The following KCNG2 variants were observed in gnomAD, a reference collection of about 807,000 sequenced individuals.
KCNG2 encodes the protein voltage-gated potassium channel regulatory subunit KCNG2.
A neutral mutation model predicts 12.3 loss-of-function variants in KCNG2; 7 were observed. The observed-to-expected ratio is 0.57, with a 90% CI of 0.32 to 1.07. The LOEUF is 1.07. Ranked by LOEUF, KCNG2 falls within the 50% of genes least tolerant of loss-of-function variation. KCNG2 has a pLI of 0.04. For synonymous variants in KCNG2, 414 were observed against 351.4 expected (o/e 1.18, Z -1.99); for missense variants, 703 against 726.0 (o/e 0.97, Z 0.36).
At chr18:79,890,844 G>T (rs1336994983) in intron 3 of KCNG2, among the ~76,000 whole-genome samples, 1 of 152,108 alleles carries the variant, frequency 6.6e-6, no homozygotes, top group African/African-American at 2.4e-5. Context: ...CTACTGTGAC[G>T]GCGCACGATT....
Position 79,864,101 on chromosome 18 carries a change from G to C in KCNG2, c.434G>C (p.Ser145Thr), listed in dbSNP as rs966206412. 1 of 1,106,204 alleles carries C rather than the reference G, an allele frequency of 9.0e-7. No homozygotes were observed. The highest frequency in any genetic ancestry group is 1.7e-5 in the African/African-American group (1 of 58,520). The allele number at this position is 1,106,204 out of a possible 1,614,324, so 68.5% of individuals were successfully genotyped here. A position where few individuals can be genotyped will look rare whatever the true frequency, so the allele number is the denominator to read the frequency against. The change falls in exon 3 of 4, where the codon AGC (serine) becomes ACC (threonine). Residue 145 changes from serine to threonine, a missense_variant. By Grantham distance (58) the Ser-to-Thr change is moderately conservative. Transcript: ENST00000316249. Reference protein sequence around the residue: ...AGPTERGAQGSPARALGPRGR... With the variant: ...AGPTERGAQGTPARALGPRGR... Reference sequence around the variant, plus strand: ...CCGACGGAGCGCGGGGCGCAGGGGAGCCCGGCGCGCGCCCTGGGACCTCGG... The same window carrying C: ...CCGACGGAGCGCGGGGCGCAGGGGACCCCGGCGCGCGCCCTGGGACCTCGG...
At chr18:79,869,458 G>A (rs967774639) in intron 3 of KCNG2, among the ~76,000 whole-genome samples, 10 of 152,188 alleles carry the variant, frequency 6.6e-5, no homozygotes, top group Admixed American at 1.3e-4. Context: ...GGGAGCAGTT[G>A]TTGAGTCTGA....
intron 1 of KCNG2, among the ~76,000 whole-genome samples, chr18:79,828,469 G>A (rs970478700): frequency 6.6e-6 from 1 of 150,756 alleles, no homozygotes; most frequent in Non-Finnish European, 1.5e-5. Context: ...ATGTGTGTCT[G>A]TGTGTGCATG....
intron 2 of KCNG2, 66 bp from the exon 3 acceptor site, chr18:79,863,562 C>G: frequency 9.0e-7 from 1 of 1,111,262 alleles, no homozygotes; most frequent in Non-Finnish European, 1.1e-6. Context: ...CCCCTGGATC[C>G]CCGCGGGCGG....
chr18:79,814,894 G>A (rs2087517466), intron 1 of KCNG2, among the ~76,000 whole-genome samples: 1 of 146,858 alleles, frequency 6.8e-6, no homozygotes, highest in South Asian at 2.1e-4. Flanking sequence ...ATGGCCATGT[G>A]CTTTTACCCT....
intron 1 of KCNG2, among the ~76,000 whole-genome samples, chr18:79,829,419 C>T (rs1053284723): frequency 3.9e-5 from 6 of 152,160 alleles, no homozygotes; most frequent in Admixed American, 6.5e-5. Flanking sequence ...ATTCATGGCC[C>T]GTGTTTCTCA....
rs1555694281 is a variant in KCNG2 at position 79,863,691 on chromosome 18, G to GGC, written c.25_26insCG (p.Gly9AlafsTer57). 4 of 1,174,608 alleles carry GGC rather than the reference G, an allele frequency of 3.4e-6. No individual in the cohort carries two copies. Among genetic ancestry groups the GGC allele is most frequent in the South Asian group, 4.2e-5 (1 of 24,082 alleles). 72.8% of individuals were successfully genotyped at this position (1,174,608 alleles called of 1,614,324 possible). Reference sequence around the variant, plus strand: ...GCATGGAGCCATGGCCCTGCTCCCCGGGCGGCGGCGGCGGGACCCGCGCCC... The same window carrying GGC: ...GCATGGAGCCATGGCCCTGCTCCCCGGCGGCGGCGGCGGCGGGACCCGCGCCC... On this transcript the variant is annotated frameshift_variant, in exon 3 of 4. Transcript: ENST00000316249. LOFTEE classifies it high-confidence loss of function.
At chr18:79,892,868 G>C (rs1200588380) in intron 3 of KCNG2, among the ~76,000 whole-genome samples, 2 of 151,202 alleles carry the variant, frequency 1.3e-5, no homozygotes, top group Non-Finnish European at 2.9e-5. Flanking sequence ...TTTTGATTGG[G>C]TTCTTCACTC....
Position 79,803,349 on chromosome 18 carries a change from C to T in KCNG2, c.-115+5335C>T, listed in dbSNP as rs2087425695. On this transcript the variant is annotated intron_variant, in intron 1 of 3. Transcript: ENST00000316249. The surrounding 1 kb of genome is among the most constrained non-coding windows in gnomAD (Gnocchi z 4.5). ...TCTTCTTCCCGGAGGTTCACAGCCA[C>T]TTCAAGATGACAGTTTCTGACTGTG... Among the ~76,000 whole-genome samples the T allele has an allele frequency of 6.6e-6, 1 of 152,208 alleles. No homozygotes were observed. Among genetic ancestry groups the T allele is most frequent in the Admixed American group, 6.5e-5 (1 of 15,286 alleles).
intron 3 of KCNG2, among the ~76,000 whole-genome samples, chr18:79,894,827 G>T (rs867049499): frequency 2.1e-5 from 3 of 143,788 alleles, no homozygotes; most frequent in Non-Finnish European, 3.0e-5. Flanking sequence ...TTGATATAGT[G>T]GGGTCTGTGT....
chr18:79,862,342 C>T (rs768978851), intron 2 of KCNG2, among the ~76,000 whole-genome samples: 15 of 152,336 alleles, frequency 9.8e-5, no homozygotes, highest in Non-Finnish European at 1.6e-4. Context: ...GATGTGGCCA[C>T]TGATGTCTGT....
chr18:79,868,019 C>T (rs1979678983), intron 3 of KCNG2, among the ~76,000 whole-genome samples: 1 of 152,196 alleles, frequency 6.6e-6, no homozygotes, highest in Non-Finnish European at 1.5e-5. Flanking sequence ...GCTGCCTTCC[C>T]CCGTCGTCCC....
Position 79,884,546 on chromosome 18 carries a change from GTCT to G in KCNG2, c.625-14493_625-14491del, listed in dbSNP as rs1568270638. Among the ~76,000 whole-genome samples the G allele has an allele frequency of 6.7e-6, 1 of 148,492 alleles. No individual in the cohort carries two copies. Among genetic ancestry groups the G allele is most frequent in the Admixed American group, 6.8e-5 (1 of 14,732 alleles). ...CGATGCAGTGGAGGAGCAGGGCTGG[GTCT>G]GGGCCTGGGCCTGGGCGTGGCAGCT... On this transcript the variant is annotated intron_variant, in intron 3 of 3. Transcript: ENST00000316249. The surrounding 1 kb of genome is among the most constrained non-coding windows in gnomAD (Gnocchi z 5.5).
At chr18:79,862,402 G>A (rs959598725) in intron 2 of KCNG2, among the ~76,000 whole-genome samples, 4 of 152,160 alleles carry the variant, frequency 2.6e-5, no homozygotes, top group African/African-American at 9.7e-5. Flanking sequence ...ATTCTTAAAC[G>A]TCTGGAATGA....
intron 2 of KCNG2, among the ~76,000 whole-genome samples, chr18:79,857,682 G>T (rs1447650645): frequency 1.3e-5 from 2 of 151,880 alleles, no homozygotes; most frequent in Non-Finnish European, 2.9e-5. Flanking sequence ...GCGGTGGAAG[G>T]CAGCGGCTCT....
chr18:79,798,516 G>C (rs2087381850), intron 1 of KCNG2, among the ~76,000 whole-genome samples: 1 of 152,176 alleles, frequency 6.6e-6, no homozygotes, highest in Non-Finnish European at 1.5e-5. Context: ...GCGAATGCTC[G>C]GCGCGCTGCG....
At chr18:79,830,782 C>T (rs564122) in intron 1 of KCNG2, among the ~76,000 whole-genome samples, 64,368 of 101,042 alleles carry the variant, frequency 0.64, 17,211 homozygotes, top group South Asian at 0.75. Context: ...GGAGGGTTCC[C>T]TGCGGACAGA....
chr18:79,820,466 C>T (rs1182057495), intron 1 of KCNG2, among the ~76,000 whole-genome samples: 1 of 152,192 alleles, frequency 6.6e-6, no homozygotes, highest in African/African-American at 2.4e-5. Flanking sequence ...TCAGGATGGT[C>T]TGTCTTTCTT....
chr18:79,888,324 T>TGGGGCTGGGTCGGCCCTGAGGCTGCAGG (rs541427642), intron 3 of KCNG2, among the ~76,000 whole-genome samples: 1 of 151,926 alleles, frequency 6.6e-6, no homozygotes, highest in Non-Finnish European at 1.5e-5. Context: ...AGCCCACATC[T>TGGGGCTGGGTCGGCCCTGAGGCTGCAGG]GGGGCTGGGT....
Sources: allele counts gnomAD v4.1 joint callset (sites outside exome capture counted in the v4.1 genomes callset), GRCh38; gene constraint gnomAD v4.1.1; non-coding constraint Gnocchi (gnomAD v3.1); transcripts MANE v1.5; gene names NCBI Gene and HGNC (gene_info 2026-07-23, HGNC 2026-07-21).